Variants in HSF1 observed in about 807,000 individuals in gnomAD.
HSF1 encodes the protein heat shock transcription factor 1, also known as heat shock factor protein 1.
In HSF1, 32 loss-of-function variants were observed where a neutral mutation model predicts 51.7. The ratio of observed to expected loss-of-function variants is 0.62; its 90% CI spans 0.47 to 0.83. The LOEUF (loss-of-function observed/expected upper bound fraction) is 0.83, where lower values mean the gene tolerates loss of function less well. Ranked by LOEUF, HSF1 falls within the 40% of genes least tolerant of loss-of-function variation. The pLI, the probability that HSF1 is intolerant of heterozygous loss-of-function variation, is 0.00. For synonymous variants in HSF1, 396 were observed against 309.7 expected, an observed-to-expected ratio of 1.28 and a Z score of -2.92; for missense variants, 727 against 717.0, an observed-to-expected ratio of 1.01 and a Z score of -0.16.
rs782458605 is a variant in HSF1, at chr8:144,311,369, G to T, written c.613G>T (p.Val205Leu). 1.2e-6 allele frequency: 2 copies of T among 1,614,022 alleles called. No homozygotes were observed. The highest frequency in any genetic ancestry group is 1.7e-6 in the Non-Finnish European group (2 of 1,180,008). The change falls in exon 6 of 13, where the codon GTG (valine) becomes TTG (leucine). Residue 205 changes from valine to leucine, a missense_variant. Val to Leu is a conservative substitution (Grantham distance 32, BLOSUM62 1). Around this residue, in one of 2 missense-constraint regions of HSF1, gnomAD observed 257 missense variants for 318.3 expected, o/e 0.81. Transcript: ENST00000528838. ...SLVQSNRILG[V>L]KRKIPLMLND... ...GGTGCAGTCAAACCGGATCCTGGGG[G>T]TGAAGAGAAAGATGTGAGGTTTTGG...
Position 144,312,201 on chromosome 8 carries a change from ACCT to A in HSF1, c.1102_1104del (p.Ser368del). 1.8e-6 allele frequency: 1 copy of A among 551,198 alleles called. No individual in the cohort carries two copies. The highest frequency in any genetic ancestry group is 2.8e-6 in the Non-Finnish European group (1 of 357,346). 34.1% of individuals were successfully genotyped at this position (551,198 alleles called of 1,614,324 possible). A position where few individuals can be genotyped will look rare whatever the true frequency, so the allele number is the denominator to read the frequency against. On this transcript the variant is annotated inframe_deletion, in exon 9 of 13. Transcript: ENST00000528838. The stretch of plus-strand genomic sequence containing the variant: ...GGGCCGGCCTCCCTCCCCCCCGCCC[ACCT>A]CCACCCCTGAAAAGTGCCTCAGCGT...
chr8:144,304,360 C>G (rs972807290), intron 1 of HSF1, among the ~76,000 whole-genome samples: 2 of 152,230 alleles, frequency 1.3e-5, no homozygotes, highest in Non-Finnish European at 2.9e-5. Context: ...GCTTGTTTCA[C>G]AGGAAGTACT....
intron 4 of HSF1, chr8:144,310,207 G>T: frequency 2.9e-6 from 1 of 350,412 alleles, no homozygotes; most frequent in South Asian, 3.6e-5. Flanking sequence ...TACTTTTGAG[G>T]ACAAGCCTTG....
At chr8:144,305,046 C>T (rs1430824655) in intron 1 of HSF1, among the ~76,000 whole-genome samples, 1 of 151,100 alleles carries the variant, frequency 6.6e-6, no homozygotes, top group East Asian at 1.9e-4. Flanking sequence ...CTCCTGGGTT[C>T]AAGCGATTCT....
chr8:144,311,041 C>T (rs1554844241), intron 4 of HSF1, 133 bp from the exon 5 acceptor site: 20 of 798,836 alleles, frequency 2.5e-5, no homozygotes, highest in South Asian at 1.1e-4. Context: ...AGTTCTCATC[C>T]TGGGGTGGGC....
rs540646518 is a variant in HSF1 at position 144,313,411 on chromosome 8, A to C, written c.1143-100A>C. 6.4e-6 allele frequency: 5 copies of C among 777,260 alleles called. No homozygotes were observed. The African/African-American group carries it at 6.9e-5, about 11-fold the overall frequency. 48.1% of individuals were successfully genotyped at this position (777,260 alleles called of 1,614,324 possible). ...CCTGTGCAGGCGTACACGGGGGTGC[A>C]GCCTGGGGGGTACAGTCAAGGGGAG... is the stretch of plus-strand genomic sequence containing the variant. On this transcript the variant is annotated intron_variant, in intron 9 of 12. Coordinates refer to ENST00000528838, the MANE Select transcript of HSF1 (RefSeq NM_005526.4).
At chr8:144,298,276 T>C (rs1198407853) in intron 1 of HSF1, among the ~76,000 whole-genome samples, 3 of 152,018 alleles carry the variant, frequency 2.0e-5, no homozygotes, top group East Asian at 1.9e-4. Flanking sequence ...CCTTAAGGCA[T>C]AAGAAGCCGC....
At chr8:144,308,583 G>A (rs541440417) in intron 1 of HSF1, among the ~76,000 whole-genome samples, 1 of 151,664 alleles carries the variant, frequency 6.6e-6, no homozygotes, top group South Asian at 2.1e-4. Flanking sequence ...TGCGGCGGAT[G>A]CTTTGTGAGT....
chr8:144,307,657 T>A lies in HSF1; in HGVS notation c.118-1249T>A, dbSNP rs532190109. On this transcript the variant is annotated intron_variant, in intron 1 of 12. Transcript: ENST00000528838. ...GCTGAGGCAGGAGAATCACTTGAAC[T>A]CGGGAGGCTGAGGCACGAGAATCGC... Among the ~76,000 whole-genome samples the A allele has an allele frequency of 8.6e-5, 13 of 152,032 alleles. No individual in the cohort carries two copies. In the South Asian group the frequency reaches 2.7e-3, roughly 32 times the overall value.
chr8:144,299,420 G>C (rs373955554), intron 1 of HSF1, among the ~76,000 whole-genome samples: 12 of 144,248 alleles, frequency 8.3e-5, no homozygotes, highest in African/African-American at 2.5e-4. Flanking sequence ...CTGGGCAACA[G>C]AGCAAGACTC....
chr8:144,300,698 G>A (rs1815807116), intron 1 of HSF1, among the ~76,000 whole-genome samples: 1 of 152,244 alleles, frequency 6.6e-6, no homozygotes, highest in South Asian at 2.1e-4. Context: ...AGTCTGAAAG[G>A]TGCCAGAGTC....
intron 9 of HSF1, chr8:144,312,511 C>T: frequency 1.0e-6 from 1 of 963,682 alleles, no homozygotes; most frequent in South Asian, 1.4e-5. Context: ...TCGCCACAGG[C>T]CACGGGCCCT....
At chr8:144,309,188 G>A in intron 2 of HSF1, 174 bp downstream of exon 2, 1 of 666,406 alleles carries the variant, frequency 1.5e-6, no homozygotes, top group Non-Finnish European at 2.6e-6. Flanking sequence ...ATGGGGGAGG[G>A]TCCTTGTGGG....
rs184798399 is a variant in HSF1 at position 144,298,658 on chromosome 8, G to A, written c.117+6784G>A. Among the ~76,000 whole-genome samples the A allele has an allele frequency of 1.6e-4, 24 of 152,082 alleles. No individual in the cohort carries two copies. The East Asian group carries it at 4.3e-3, about 27-fold the overall frequency. On this transcript the variant is annotated intron_variant, in intron 1 of 12. Transcript: ENST00000528838. ...GAGGACTGAGGTAAACCACAAAATTGTCCAGGCTTTTTATGTGGAGGGAAT... is the reference window on the plus strand; with the variant it reads ...GAGGACTGAGGTAAACCACAAAATTATCCAGGCTTTTTATGTGGAGGGAAT...
At chr8:144,304,773 A>G (rs1379779839) in intron 1 of HSF1, among the ~76,000 whole-genome samples, 1 of 152,008 alleles carries the variant, frequency 6.6e-6, no homozygotes, top group Admixed American at 6.6e-5. Flanking sequence ...CAGCCTCCCA[A>G]GTAGCTGGGA....
chr8:144,307,894 T>G (rs1031683708), intron 1 of HSF1, among the ~76,000 whole-genome samples: 12 of 152,244 alleles, frequency 7.9e-5, no homozygotes, highest in Non-Finnish European at 1.8e-4. Context: ...ACTTTCAGAG[T>G]TCTGGAAAGT....
chr8:144,313,634 GCCCCGCC>G lies in HSF1; in HGVS notation c.1248+19_1248+25del, dbSNP rs782083545. On this transcript the variant is annotated intron_variant, in intron 10 of 12. Transcript: ENST00000528838. The stretch of plus-strand genomic sequence containing the variant: ...TGCTGGACGTGAGTGGAGCCCCGCC[GCCCCGCC>G]TCCCCGCCCCGCCTCCCCGCCGCGC... The G allele has an allele frequency of 9.4e-4, 534 of 568,828 alleles. 14 individuals are homozygous for G. The African/African-American group carries it at 0.015, about 16-fold the overall frequency. 35.2% of individuals were successfully genotyped at this position (568,828 alleles called of 1,614,324 possible). A position where few individuals can be genotyped will look rare whatever the true frequency, so the allele number is the denominator to read the frequency against.
intron 1 of HSF1, among the ~76,000 whole-genome samples, chr8:144,303,586 T>C (rs1816031361): frequency 6.6e-6 from 1 of 152,030 alleles, no homozygotes; most frequent in African/African-American, 2.4e-5. Flanking sequence ...TTAAAACTTG[T>C]GGTTTTTAAG....
chr8:144,313,418 G>C (rs1415222919), intron 9 of HSF1, 93 bp from the exon 10 acceptor site: 2 of 823,714 alleles, frequency 2.4e-6, no homozygotes, highest in Non-Finnish European at 2.0e-6. Context: ...TGCAGCCTGG[G>C]GGGTACAGTC....
Sources: gnomAD v4.1 joint callset for allele counts (sites outside exome capture counted in the v4.1 genomes callset) on GRCh38, gnomAD v4.1.1 for gene constraint, gnomAD v4.1.1 regional missense constraint, MANE v1.5 for transcripts, NCBI Gene and HGNC (gene_info 2026-07-23, HGNC 2026-07-21) for gene names.